NBEA: variants seen among roughly 807,000 people sequenced by gnomAD.
NBEA encodes neurobeachin, also known as lysosomal-trafficking regulator 2.
NBEA carries 44 observed loss-of-function variants against 343.4 expected under a neutral mutation model. The observed-to-expected ratio is 0.13, with a 90% CI of 0.10 to 0.16. NBEA has a LOEUF of 0.16. NBEA is among the 10% of genes least tolerant of loss of function. NBEA has a pLI of 1.00. For missense variants in NBEA, 2,555 were observed against 3,631.3 expected (o/e 0.70, Z 7.62); for synonymous variants, 1,175 against 1,238.7 (o/e 0.95, Z 1.08).
At chr13:34,975,449 C>T (rs141519893) in intron 1 of NBEA, among the ~76,000 whole-genome samples, 19 of 152,246 alleles carry the variant, frequency 1.2e-4, no homozygotes, top group African/African-American at 4.3e-4. Context: ...TCACCTTATA[C>T]TTGAAACTAA....
At chr13:35,098,702 A>C (rs1337262765) in intron 11 of NBEA, among the ~76,000 whole-genome samples, 1 of 152,072 alleles carries the variant, frequency 6.6e-6, no homozygotes, top group Non-Finnish European at 1.5e-5. Flanking sequence ...TTCTACTCTC[A>C]CTTTCTAAGG....
At chr13:35,288,602 A>T (rs2035592087) in intron 34 of NBEA, among the ~76,000 whole-genome samples, 1 of 151,938 alleles carries the variant, frequency 6.6e-6, no homozygotes, top group Non-Finnish European at 1.5e-5. Context: ...TTTGTAAAAA[A>T]CTATAAATGG....
chr13:35,226,137 G>A (rs1407766650), intron 33 of NBEA, among the ~76,000 whole-genome samples: 1 of 152,154 alleles, frequency 6.6e-6, no homozygotes, highest in African/African-American at 2.4e-5. Context: ...TTGGTCTGAA[G>A]GAAAAGTAAT....
At chr13:35,553,223 C>A (rs1198769508) in intron 43 of NBEA, among the ~76,000 whole-genome samples, 1 of 152,102 alleles carries the variant, frequency 6.6e-6, no homozygotes, top group Admixed American at 6.6e-5. Context: ...AAACTGAAAA[C>A]AAAAGGCAGC....
chr13:35,431,707 G>T (rs1052351904), intron 38 of NBEA, among the ~76,000 whole-genome samples: 1 of 152,078 alleles, frequency 6.6e-6, no homozygotes, highest in Non-Finnish European at 1.5e-5. Context: ...GGATAAAATT[G>T]CATTTTTCTC....
intron 30 of NBEA, chr13:35,186,296 C>T (rs1232584544): frequency 6.6e-6 from 1 of 152,064 alleles, no homozygotes; most frequent in Non-Finnish European, 1.5e-5. Context: ...CAGAGCAAGA[C>T]CCTTTTTCAA....
chr13:35,002,116 C>T (rs549419223), intron 1 of NBEA, among the ~76,000 whole-genome samples: 68 of 152,160 alleles, frequency 4.5e-4, no homozygotes, highest in African/African-American at 1.5e-3. Flanking sequence ...CAAGTGTTCA[C>T]CTCCAAAAAA....
chr13:34,959,995 T>TA (rs547182744), intron 1 of NBEA, among the ~76,000 whole-genome samples: 2 of 151,564 alleles, frequency 1.3e-5, no homozygotes, highest in East Asian at 1.9e-4. Flanking sequence ...AACTCAAGCT[T>TA]AAAAAAAAAG....
chr13:34,974,656 G>A lies in NBEA; in HGVS notation c.294+31542G>A, dbSNP rs114927875. On this transcript the variant is annotated intron_variant, in intron 1 of 58. Coordinates refer to ENST00000379939, the MANE Select transcript of NBEA (RefSeq NM_001385012.1). Reference sequence around the variant, plus strand: ...ACATACAAAAATGATGATGAAATGAGGGTAATGGGAAAATAATATTTTAGG... The same window carrying A: ...ACATACAAAAATGATGATGAAATGAAGGTAATGGGAAAATAATATTTTAGG... Among the ~76,000 whole-genome samples the A allele has an allele frequency of 7.5e-3, 1,143 of 152,214 alleles. 13 individuals are homozygous for A. Among genetic ancestry groups the A allele is most frequent in the African/African-American group, 0.026 (1,082 of 41,530 alleles).
intron 34 of NBEA, among the ~76,000 whole-genome samples, chr13:35,278,947 G>A (rs1019330055): frequency 2.0e-5 from 3 of 152,032 alleles, no homozygotes; most frequent in African/African-American, 2.4e-5. Context: ...TTTGAATATT[G>A]TATAACTTTT....
chr13:35,031,124 G>T (rs1011977392), intron 1 of NBEA, among the ~76,000 whole-genome samples: 3 of 151,496 alleles, frequency 2.0e-5, no homozygotes, highest in Non-Finnish European at 3.0e-5. Context: ...TTATACAGAG[G>T]CCCATAGGCA....
intron 2 of NBEA, 98 bp from the exon 3 acceptor site, chr13:35,044,849 G>C (rs915085653): frequency 3.0e-6 from 2 of 658,340 alleles, no homozygotes; most frequent in Non-Finnish European, 5.1e-6. Context: ...GAGAGAGAGA[G>C]AGATAACAAT....
At chr13:35,125,710 A>T (rs377190554) in intron 17 of NBEA, among the ~76,000 whole-genome samples, 5 of 152,224 alleles carry the variant, frequency 3.3e-5, no homozygotes, top group African/African-American at 1.2e-4. Flanking sequence ...GATAAAAAAC[A>T]TGGAAAAAAT....
chr13:35,483,973 G>T (rs917393097), intron 41 of NBEA, among the ~76,000 whole-genome samples: 2 of 151,952 alleles, frequency 1.3e-5, no homozygotes, highest in Admixed American at 6.6e-5. Flanking sequence ...ACTAAATATT[G>T]GAATCTTGTT....
chr13:35,324,068 T>G (rs1243698760), intron 36 of NBEA, among the ~76,000 whole-genome samples: 1 of 152,150 alleles, frequency 6.6e-6, no homozygotes, highest in East Asian at 1.9e-4. Flanking sequence ...GAGCCTAGAG[T>G]TGGCCTTTGC....
At chr13:35,289,437 A>C (rs1212732824) in intron 34 of NBEA, among the ~76,000 whole-genome samples, 1 of 151,862 alleles carries the variant, frequency 6.6e-6, no homozygotes. Flanking sequence ...ACGTACTCTC[A>C]ACAGTGTTTT....
At chr13:35,117,998 T>A (rs1439039113) in intron 14 of NBEA, among the ~76,000 whole-genome samples, 1 of 152,002 alleles carries the variant, frequency 6.6e-6, no homozygotes, top group East Asian at 1.9e-4. Context: ...CTTTTTATAG[T>A]GAATGTCAAT....
At chr13:35,468,118 C>CCG (rs1281435360) in intron 40 of NBEA, among the ~76,000 whole-genome samples, 1 of 145,364 alleles carries the variant, frequency 6.9e-6, no homozygotes, top group East Asian at 2.0e-4. Flanking sequence ...ACCCCCCCCC[C>CCG]ACTCCCCTCC....
chr13:35,126,734 A>G (rs756253823), intron 17 of NBEA, among the ~76,000 whole-genome samples: 8 of 152,120 alleles, frequency 5.3e-5, no homozygotes, highest in Non-Finnish European at 8.8e-5. Context: ...CCTGGCCAAC[A>G]TGGTGAAACA....
Sources: allele counts gnomAD v4.1 joint callset (sites outside exome capture counted in the v4.1 genomes callset), GRCh38; gene constraint gnomAD v4.1.1; transcripts MANE v1.5; gene names NCBI Gene and HGNC (gene_info 2026-07-23, HGNC 2026-07-21).